Variants in IQCM observed in about 807,000 individuals in gnomAD.
IQCM encodes the protein IQ motif containing M, also known as IQ domain-containing protein M.
In IQCM, 45 loss-of-function variants were observed where a neutral mutation model predicts 57.6. The ratio of observed to expected loss-of-function variants is 0.78; its 90% confidence interval spans 0.62 to 1.00. The LOEUF (loss-of-function observed/expected upper bound fraction) is 1.00, where lower values mean the gene tolerates loss of function less well. Ranked by LOEUF, IQCM falls within the 50% of genes least tolerant of loss-of-function variation. The probability of loss-of-function intolerance (pLI) is 0.00; values close to 1 mark genes in which losing one functional copy is unlikely to be tolerated. For synonymous variants in IQCM, 148 were observed against 158.9 expected (o/e 0.93, Z 0.51); for missense variants, 468 against 511.6 (o/e 0.91, Z 0.82).
chr4:149,752,936 C>A (rs560056128), intron 2 of IQCM, among the ~76,000 whole-genome samples: 1 of 152,276 alleles, frequency 6.6e-6, no homozygotes. Flanking sequence ...CCTAGCCACA[C>A]CAACACTGAC....
chr4:149,625,827 A>T (rs1187864631), intron 7 of IQCM, among the ~76,000 whole-genome samples: 1 of 152,124 alleles, frequency 6.6e-6, no homozygotes, highest in African/African-American at 2.4e-5. Flanking sequence ...CAGCATACCA[A>T]GGCACCACAT....
chr4:149,374,998 T>TGTGTGTGTGTGTGTGTGTG (rs10699278), intron 13 of IQCM, among the ~76,000 whole-genome samples: 3 of 132,422 alleles, frequency 2.3e-5, no homozygotes, highest in African/African-American at 8.0e-5. Context: ...TGTGTGTGTG[T>TGTGTGTGTGTGTGTGTGTG]TGTGTGTGTG....
intron 13 of IQCM, among the ~76,000 whole-genome samples, chr4:149,386,554 G>T (rs893878843): frequency 6.6e-6 from 1 of 151,944 alleles, no homozygotes; most frequent in Non-Finnish European, 1.5e-5. Context: ...TAAATAGCAA[G>T]AATTCCTTTG....
chr4:149,772,411 C>T (rs998583773), intron 2 of IQCM, among the ~76,000 whole-genome samples: 15 of 152,138 alleles, frequency 9.9e-5, no homozygotes, highest in Admixed American at 3.9e-4. Context: ...AATACATACA[C>T]GCACCCCCCA....
At chr4:149,369,857 A>T (rs1026354527) in intron 13 of IQCM, among the ~76,000 whole-genome samples, 2 of 152,178 alleles carry the variant, frequency 1.3e-5, no homozygotes, top group South Asian at 4.1e-4. Context: ...AAAGTGATAA[A>T]AATCTTGCAA....
intron 12 of IQCM, among the ~76,000 whole-genome samples, chr4:149,543,385 G>A (rs1387597245): frequency 6.6e-6 from 1 of 152,036 alleles, no homozygotes; most frequent in Admixed American, 6.6e-5. Context: ...AATAGTAAAT[G>A]TTAACAATTG....
At chr4:149,806,351 G>T (rs1774079602) in intron 2 of IQCM, among the ~76,000 whole-genome samples, 1 of 151,558 alleles carries the variant, frequency 6.6e-6, no homozygotes, top group Admixed American at 6.6e-5. Flanking sequence ...ATTCTATTTT[G>T]GCTAATTTGA....
chr4:149,587,070 T>C (rs1168450479), intron 9 of IQCM, among the ~76,000 whole-genome samples: 1 of 151,658 alleles, frequency 6.6e-6, no homozygotes, highest in African/African-American at 2.4e-5. Flanking sequence ...TTTATGAAAT[T>C]TCCTAATCAA....
chr4:149,526,933 T>C (rs1021390580), intron 12 of IQCM, among the ~76,000 whole-genome samples: 3 of 152,130 alleles, frequency 2.0e-5, no homozygotes, highest in Non-Finnish European at 4.4e-5. Flanking sequence ...TATATTCCAT[T>C]ATTTATTTTT....
intron 12 of IQCM, among the ~76,000 whole-genome samples, chr4:149,521,779 G>A (rs1745670563): frequency 6.6e-6 from 1 of 152,162 alleles, no homozygotes; most frequent in African/African-American, 2.4e-5. Context: ...TTGGCCTTTG[G>A]ACTCATGCCT....
chr4:149,743,170 A>C (rs1332021457), intron 2 of IQCM, among the ~76,000 whole-genome samples: 3 of 152,134 alleles, frequency 2.0e-5, no homozygotes, highest in African/African-American at 4.8e-5. Context: ...CTTTCAACTA[A>C]TATCCAGTTA....
At chr4:149,407,810 A>G (rs1460412578) in intron 13 of IQCM, among the ~76,000 whole-genome samples, 1 of 152,164 alleles carries the variant, frequency 6.6e-6, no homozygotes, top group Admixed American at 6.6e-5. Flanking sequence ...TAGTGCTACA[A>G]TAAACATATA....
chr4:149,722,647 T>A (rs1352608913), intron 5 of IQCM, among the ~76,000 whole-genome samples: 1 of 152,058 alleles, frequency 6.6e-6, no homozygotes, highest in African/African-American at 2.4e-5. Context: ...TATTGACTTG[T>A]GTGTCTACTT....
chr4:149,658,415 A>G (rs1365530040), intron 7 of IQCM, among the ~76,000 whole-genome samples: 1 of 151,984 alleles, frequency 6.6e-6, no homozygotes, highest in Non-Finnish European at 1.5e-5. Flanking sequence ...GCTTTGTAAT[A>G]TATTTTTAAG....
intron 9 of IQCM, among the ~76,000 whole-genome samples, chr4:149,573,835 A>C (rs1339779569): frequency 1.3e-5 from 2 of 151,972 alleles, no homozygotes; most frequent in Non-Finnish European, 2.9e-5. Flanking sequence ...TGATTTTATA[A>C]ATGATAAATT....
chr4:149,381,764 T>C (rs1284434270), intron 13 of IQCM, among the ~76,000 whole-genome samples: 2 of 151,880 alleles, frequency 1.3e-5, no homozygotes, highest in African/African-American at 2.4e-5. Flanking sequence ...TATGTATGTA[T>C]GTATGTATTT....
At chr4:149,705,832 A>G (rs1049166567) in intron 5 of IQCM, among the ~76,000 whole-genome samples, 39 of 152,042 alleles carry the variant, frequency 2.6e-4, no homozygotes, top group African/African-American at 9.4e-4. Context: ...AAGTTTTATT[A>G]TATTTAAAGT....
intron 8 of IQCM, among the ~76,000 whole-genome samples, chr4:149,589,214 G>A (rs552161580): frequency 8.5e-5 from 13 of 152,068 alleles, no homozygotes; most frequent in Non-Finnish European, 1.5e-4. Flanking sequence ...CTTGATAAAT[G>A]AGTAAAATGG....
chr4:149,481,701 G>GTTTTGTTTTTT (rs1740817619), intron 12 of IQCM, among the ~76,000 whole-genome samples: 2 of 51,576 alleles, frequency 3.9e-5, no homozygotes, highest in African/African-American at 1.5e-4. Context: ...TTCCAGTTTT[G>GTTTTGTTTTTT]TTTTTTTTTT....
Sources: gnomAD v4.1 joint callset for allele counts (sites outside exome capture counted in the v4.1 genomes callset) on GRCh38, gnomAD v4.1.1 for gene constraint, MANE v1.5 for transcripts, NCBI Gene and HGNC (gene_info 2026-07-23, HGNC 2026-07-21) for gene names.